Variants in FBXO47 observed in about 807,000 individuals in gnomAD.
FBXO47 encodes F-box protein 47, also known as F-box only protein 47.
A neutral mutation model predicts 53.9 loss-of-function variants in FBXO47; 34 were observed. The ratio of observed to expected loss-of-function variants is 0.63; its 90% CI spans 0.48 to 0.84. The LOEUF (loss-of-function observed/expected upper bound fraction) is 0.84. Ranked by LOEUF, FBXO47 falls within the 40% of genes least tolerant of loss-of-function variation. FBXO47 has a pLI of 0.00. For missense variants in FBXO47, 485 were observed against 541.3 expected, an observed-to-expected ratio of 0.90 and a Z score of 1.03; for synonymous variants, 165 against 181.6, an observed-to-expected ratio of 0.91 and a Z score of 0.73.
rs531512248 is a variant in FBXO47, at chr17:38,967,282, T to C, written c.-80A>G. 5 of 152,250 alleles carry C rather than the reference T, an allele frequency of 3.3e-5. No individual in the cohort carries two copies. The highest frequency in any genetic ancestry group is 1.2e-4 in the African/African-American group (5 of 41,560). The allele number at this position is 152,250 out of a possible 1,614,324, so 9.4% of individuals were successfully genotyped here. On this transcript the variant is annotated 5_prime_UTR_variant, in exon 1 of 11. Transcript: ENST00000378079. ...AGAGTCACAGGAAAGTGGGAGTTAG[T>C]CGTTTTGCCCCACCATCCTCAAATT...
intron 6 of FBXO47, among the ~76,000 whole-genome samples, chr17:38,946,631 A>T (rs1455975763): frequency 1.5e-4 from 12 of 77,732 alleles, no homozygotes; most frequent in African/African-American, 2.0e-4. Flanking sequence ...AATATATATG[A>T]ATATATAAAT....
intron 1 of FBXO47, among the ~76,000 whole-genome samples, chr17:38,963,803 T>G (rs1346984088): frequency 1.6e-5 from 1 of 60,634 alleles, no homozygotes; most frequent in Non-Finnish European, 3.7e-5. Flanking sequence ...TGTTTTGTTG[T>G]TTTTTTTTTT....
intron 1 of FBXO47, among the ~76,000 whole-genome samples, 152 bp from the exon 2 acceptor site, chr17:38,963,203 A>C (rs929707355): frequency 3.3e-5 from 5 of 151,874 alleles, no homozygotes; most frequent in Non-Finnish European, 7.4e-5. Flanking sequence ...TTTGAGACGG[A>C]GTCTTGCTCT....
chr17:38,964,845 C>T (rs906683951), intron 1 of FBXO47, among the ~76,000 whole-genome samples: 3 of 151,970 alleles, frequency 2.0e-5, no homozygotes, highest in Non-Finnish European at 2.9e-5. Flanking sequence ...CAGATTATCG[C>T]TCTACTGCCC....
chr17:38,941,704 C>A (rs1050026398), intron 9 of FBXO47, among the ~76,000 whole-genome samples: 1 of 147,860 alleles, frequency 6.8e-6, no homozygotes, highest in Non-Finnish European at 1.5e-5. Flanking sequence ...GAGAGGGTCT[C>A]GTTCTGTTGC....
At chr17:38,963,378 T>C (rs1362888397) in intron 1 of FBXO47, among the ~76,000 whole-genome samples, 3 of 152,160 alleles carry the variant, frequency 2.0e-5, no homozygotes, top group African/African-American at 4.8e-5. Context: ...GGTTTTGCCA[T>C]GTTGGCCAGG....
At chr17:38,944,848 A>ATGTGTGTGTGTGTGTGTGGGTGTGTGTG in intron 7 of FBXO47, 112 bp downstream of exon 7, 1 of 615,522 alleles carries the variant, frequency 1.6e-6, no homozygotes, top group Non-Finnish European at 2.7e-6. Flanking sequence ...GCGTGCATGC[A>ATGTGTGTGTGTGTGTGTGGGTGTGTGTG]TGTGTGTGTG....
intron 5 of FBXO47, 75 bp from the exon 6 acceptor site, chr17:38,951,764 C>T (rs575253250): frequency 7.1e-4 from 789 of 1,116,496 alleles, no homozygotes; most frequent in Non-Finnish European, 9.7e-4. Context: ...GGCATGGTGG[C>T]TCACGCCTGT....
intron 1 of FBXO47, among the ~76,000 whole-genome samples, chr17:38,965,696 A>T (rs1906070884): frequency 7.9e-6 from 1 of 127,242 alleles, no homozygotes. Context: ...ACACGGTGAA[A>T]CCCCTTCTCT....
intron 5 of FBXO47, among the ~76,000 whole-genome samples, chr17:38,953,282 G>A (rs1187386728): frequency 6.6e-6 from 1 of 151,714 alleles, no homozygotes; most frequent in African/African-American, 2.4e-5. Flanking sequence ...TCACGCGACT[G>A]TACTCCAGCC....
chr17:38,966,296 G>A (rs1019748305), intron 1 of FBXO47, among the ~76,000 whole-genome samples: 1 of 151,482 alleles, frequency 6.6e-6, no homozygotes, highest in South Asian at 2.1e-4. Flanking sequence ...CCGCCTCCCG[G>A]GTTCAAGCGA....
chr17:38,961,613 T>A (rs1331251957), intron 3 of FBXO47, among the ~76,000 whole-genome samples: 1 of 152,210 alleles, frequency 6.6e-6, no homozygotes, highest in Non-Finnish European at 1.5e-5. Context: ...TTTCCTAACC[T>A]GATAAGCCAC....
At chr17:38,944,874 AATATATGCTTCCTAAATAT>A (rs1302973487) in intron 7 of FBXO47, 67 bp downstream of exon 7, 4 of 620,368 alleles carry the variant, frequency 6.4e-6, no homozygotes, top group Non-Finnish European at 9.7e-6. Flanking sequence ...GTGTGTGTAT[AATATATGCTTCCTAAATAT>A]ATATATGCTT....
In FBXO47 at chr17:38,962,882, T is replaced by C. The variant is rs1297639610; in HGVS notation, c.144A>G (p.Pro48=). The change falls in exon 2 of 11, where the codon CCA becomes CCG. Residue 48 remains proline (P), a synonymous_variant. Transcript: ENST00000378079. ...ISTFGNFKAL[P]LEIFQIILKY... is the part of the protein sequence containing the mutation. ...TTAAAATTATCTGGAATATTTCCAATGGTAAGGCTTTAAAATTTCCAAATG... is the reference window on the plus strand; with the variant it reads ...TTAAAATTATCTGGAATATTTCCAACGGTAAGGCTTTAAAATTTCCAAATG... 18 of 1,612,192 alleles carry C rather than the reference T, an allele frequency of 1.1e-5. No homozygotes were observed. The highest frequency in any genetic ancestry group is 5.0e-5 in the Admixed American group (3 of 59,618).
intron 2 of FBXO47, among the ~76,000 whole-genome samples, 192 bp downstream of exon 2, chr17:38,962,649 ATAAT>A (rs1598150163): frequency 6.8e-6 from 1 of 147,698 alleles, no homozygotes; most frequent in African/African-American, 2.5e-5. Context: ...AGTAATAATA[ATAAT>A]TATTTAAGTA....
intron 9 of FBXO47, among the ~76,000 whole-genome samples, chr17:38,939,159 A>G (rs9894484): frequency 0.033 from 4,973 of 149,334 alleles, 313 homozygotes; most frequent in African/African-American, 0.1. Flanking sequence ...CAGACATGGT[A>G]GCGAGCACCT....
chr17:38,953,272 T>A (rs1403405136), intron 5 of FBXO47, among the ~76,000 whole-genome samples: 1 of 148,842 alleles, frequency 6.7e-6, no homozygotes, highest in African/African-American at 2.5e-5. Context: ...TGAGCTGAAA[T>A]CACGCGACTG....
chr17:38,942,743 A>C, intron 9 of FBXO47, 35 bp downstream of exon 9: 1 of 1,586,692 alleles, frequency 6.3e-7, no homozygotes, highest in Non-Finnish European at 8.6e-7. Flanking sequence ...TGTAGTGTTA[A>C]AAAACTTGCT....
intron 7 of FBXO47, among the ~76,000 whole-genome samples, chr17:38,944,168 C>T (rs186846242): frequency 3.4e-5 from 5 of 146,104 alleles, no homozygotes; most frequent in East Asian, 2.0e-4. Context: ...GGCAACACAG[C>T]GAGACTCTGT....
Sources: allele counts gnomAD v4.1 joint callset (sites outside exome capture counted in the v4.1 genomes callset), GRCh38; gene constraint gnomAD v4.1.1; transcripts MANE v1.5; gene names NCBI Gene and HGNC (gene_info 2026-07-23, HGNC 2026-07-21).